ANOS1: variants seen among roughly 807,000 people sequenced by gnomAD.
ANOS1 encodes the protein anosmin 1, also known as anosmin-1.
Under a neutral mutation model 59.0 loss-of-function variants are expected in ANOS1, and 6 were observed. That is an observed-to-expected ratio of 0.10 (90% CI 0.06 to 0.20). The LOEUF is 0.20. Among genes scored for constraint, ANOS1 ranks in the 10% least tolerant of loss-of-function variants. ANOS1 has a pLI of 1.00. For synonymous variants in ANOS1, 217 were observed against 223.4 expected (o/e 0.97, Z 0.25); for missense variants, 433 against 542.3 (o/e 0.80, Z 2.00).
chrX:8,636,385 T>C (rs1284348612), intron 2 of ANOS1, among the ~76,000 whole-genome samples: 2 of 112,006 alleles, frequency 1.8e-5, no homozygotes, highest in African/African-American at 6.5e-5. Flanking sequence ...GAGCTACTTA[T>C]AAGCCTGTCT....
At chrX:8,534,548 C>G (rs1929558010) in intron 12 of ANOS1, 88 bp from the exon 13 acceptor site, 49 of 970,856 alleles carry the variant, frequency 5.0e-5, no homozygotes, top group Non-Finnish European at 7.1e-5. Flanking sequence ...AGTTTTTCCC[C>G]CACTGGAGAA....
chrX:8,533,782 T>C (rs929581117), intron 13 of ANOS1, among the ~76,000 whole-genome samples: 1 of 111,486 alleles, frequency 9.0e-6, no homozygotes, highest in Non-Finnish European at 1.9e-5. Context: ...GTAATATCTA[T>C]GTAACAAGAA....
chrX:8,689,218 G>A (rs1932567138), intron 2 of ANOS1, among the ~76,000 whole-genome samples: 2 of 111,641 alleles, frequency 1.8e-5, no homozygotes, highest in African/African-American at 6.5e-5. Flanking sequence ...AGCTATTTGT[G>A]AGTTCTTTTT....
chrX:8,582,170 AC>A (rs1930436570), intron 6 of ANOS1, among the ~76,000 whole-genome samples: 1 of 112,810 alleles, frequency 8.9e-6, no homozygotes, highest in South Asian at 3.6e-4. Context: ...CAAGCAAAAT[AC>A]TAAGGCAGGG....
At chrX:8,712,030 C>T (rs1365849084) in intron 1 of ANOS1, among the ~76,000 whole-genome samples, 10 of 112,341 alleles carry the variant, frequency 8.9e-5, no homozygotes, top group Admixed American at 7.5e-4. Flanking sequence ...TTGTTTCCTA[C>T]GGCTGCCATG....
At chrX:8,666,453 A>G (rs1932138635) in intron 2 of ANOS1, among the ~76,000 whole-genome samples, 1 of 111,999 alleles carries the variant, frequency 8.9e-6, no homozygotes, top group Non-Finnish European at 1.9e-5. Flanking sequence ...GTCATAATAA[A>G]AAATGAAATA....
chrX:8,644,613 G>T (rs949915246), intron 2 of ANOS1, among the ~76,000 whole-genome samples: 1 of 112,064 alleles, frequency 8.9e-6, no homozygotes, highest in Non-Finnish European at 1.9e-5. Flanking sequence ...CTTTTCCAGA[G>T]AATCTGACAC....
intron 13 of ANOS1, among the ~76,000 whole-genome samples, chrX:8,533,986 G>C (rs1462114568): frequency 4.5e-4 from 24 of 53,574 alleles, no homozygotes; most frequent in Non-Finnish European, 8.9e-4. Context: ...ATAGAGGAAA[G>C]GAGAAAAGAA....
chrX:8,623,813 T>G (rs1178531362), intron 2 of ANOS1, 143 bp from the exon 3 acceptor site: 1 of 507,605 alleles, frequency 2.0e-6, no homozygotes, highest in East Asian at 3.8e-5. Flanking sequence ...GCTGCTCTTT[T>G]TAACTGGGTA....
chrX:8,697,497 A>C (rs774939691), intron 2 of ANOS1, among the ~76,000 whole-genome samples: 2 of 111,549 alleles, frequency 1.8e-5, no homozygotes, highest in African/African-American at 6.5e-5. Flanking sequence ...TCTTGGATTC[A>C]TCCCAGACAG....
At chrX:8,636,705 C>T (rs1046870817) in intron 2 of ANOS1, among the ~76,000 whole-genome samples, 4 of 111,726 alleles carry the variant, frequency 3.6e-5, no homozygotes, top group African/African-American at 1.3e-4. Context: ...ATGGTGTGCT[C>T]TTGAAAAGAC....
At chrX:8,649,569 A>C (rs1300401754) in intron 2 of ANOS1, among the ~76,000 whole-genome samples, 1 of 112,254 alleles carries the variant, frequency 8.9e-6, no homozygotes, top group East Asian at 2.8e-4. Flanking sequence ...AATGAGGACA[A>C]GACTTTTGTC....
At chrX:8,546,545 C>G (rs1929774047) in intron 9 of ANOS1, among the ~76,000 whole-genome samples, 1 of 112,087 alleles carries the variant, frequency 8.9e-6, no homozygotes, top group Admixed American at 9.5e-5. Flanking sequence ...CAGTGGAAAT[C>G]AACTAACATT....
At chrX:8,596,756 A>G (rs980663448) in intron 4 of ANOS1, among the ~76,000 whole-genome samples, 1 of 111,847 alleles carries the variant, frequency 8.9e-6, no homozygotes. Context: ...CTGACTGAAG[A>G]AAAAGACAAA....
chrX:8,545,290 G>A (rs1929753423), intron 9 of ANOS1, among the ~76,000 whole-genome samples: 1 of 97,178 alleles, frequency 1.0e-5, no homozygotes, highest in South Asian at 5.2e-4. Flanking sequence ...GAAAGAGAGA[G>A]AGAGAAAGGA....
intron 3 of ANOS1, among the ~76,000 whole-genome samples, chrX:8,606,207 C>A (rs1472242266): frequency 8.9e-6 from 1 of 111,933 alleles, no homozygotes; most frequent in Non-Finnish European, 1.9e-5. Context: ...CATCCATAGA[C>A]CCCTGTTTAA....
chrX:8,673,036 TAA>T (rs1932281514), intron 2 of ANOS1, among the ~76,000 whole-genome samples: 1 of 111,566 alleles, frequency 9.0e-6, no homozygotes, highest in South Asian at 3.8e-4. Flanking sequence ...CATCATAGTA[TAA>T]AAGAGAACTG....
intron 2 of ANOS1, among the ~76,000 whole-genome samples, chrX:8,693,733 A>AT (rs35989320): frequency 0.32 from 24,309 of 75,278 alleles, 4,556 homozygotes; most frequent in East Asian, 0.41. Flanking sequence ...TATTGCATGA[A>AT]TTTTTTTTTT....
intron 9 of ANOS1, among the ~76,000 whole-genome samples, chrX:8,549,189 C>T (rs1929817533): frequency 1.8e-5 from 2 of 112,275 alleles, no homozygotes; most frequent in African/African-American, 6.5e-5. Context: ...CAATTCTCTG[C>T]TTATGGTTTC....
Sources: gnomAD v4.1 joint callset for allele counts (sites outside exome capture counted in the v4.1 genomes callset) on GRCh38, gnomAD v4.1.1 for gene constraint, MANE v1.5 for transcripts, NCBI Gene and HGNC (gene_info 2026-07-23, HGNC 2026-07-21) for gene names.